The following OPA1 variants were observed in gnomAD, a reference collection of about 807,000 sequenced individuals.
OPA1 encodes the protein dynamin-like GTPase OPA1, mitochondrial.
In OPA1, 59 loss-of-function variants were observed where a neutral mutation model predicts 152.9. The observed-to-expected ratio is 0.39, with a 90% CI of 0.31 to 0.48. The LOEUF is 0.48. OPA1 is among the 20% of genes least tolerant of loss of function. The probability of loss-of-function intolerance (pLI) is 0.96; values close to 1 mark genes in which losing one functional copy is unlikely to be tolerated. For missense variants in OPA1, 1,008 were observed against 1,216.8 expected (o/e 0.83, Z 2.55); for synonymous variants, 400 against 389.9 (o/e 1.03, Z -0.31).
intron 29 of OPA1, among the ~76,000 whole-genome samples, chr3:193,687,496 T>C (rs1721077211): frequency 6.6e-6 from 1 of 152,250 alleles, no homozygotes; most frequent in African/African-American, 2.4e-5. Context: ...AATTCAAATA[T>C]TTAATGGAAA....
At chr3:193,691,491 C>G (rs1348120164) in intron 29 of OPA1, 5 of 152,120 alleles carry the variant, frequency 3.3e-5, no homozygotes, top group African/African-American at 1.2e-4. Context: ...CATTGCACTT[C>G]TCATGTTTGT....
chr3:193,604,241 A>G (rs1726886726), intron 1 of OPA1, among the ~76,000 whole-genome samples: 1 of 152,306 alleles, frequency 6.6e-6, no homozygotes, highest in Non-Finnish European at 1.5e-5. Context: ...TTCATGAACA[A>G]ACAAAGTGAA....
chr3:193,612,879 C>T (rs189663247), intron 1 of OPA1, among the ~76,000 whole-genome samples: 4 of 152,280 alleles, frequency 2.6e-5, no homozygotes, highest in Admixed American at 1.3e-4. Context: ...TGAGTAAACT[C>T]GGAGAGCTCA....
rs947985136 is a variant in OPA1, at chr3:193,643,549, C to T, written c.1399C>T (p.Pro467Ser). The T allele has an allele frequency of 1.9e-6, 3 of 1,613,824 alleles. No homozygotes were observed. Among genetic ancestry groups the T allele is most frequent in the South Asian group, 2.2e-5 (2 of 91,068 alleles). The change falls in exon 15 of 31, where the codon CCT becomes TCT. Residue 467 changes from proline (P) to serine (S), a missense_variant. Transcript: ENST00000361510. ...TAAGACTGTGACATCAGGCATGGCT[C>T]CTGACACAAAGGAAACTATTTTCAG... ...VINTVTSGMA[P>S]DTKETIFSIS...
intron 11 of OPA1, among the ~76,000 whole-genome samples, chr3:193,641,018 A>G (rs1008963204): frequency 1.3e-5 from 2 of 152,144 alleles, no homozygotes; most frequent in African/African-American, 4.8e-5. Context: ...TTACATATCC[A>G]TTTTACTACC....
At chr3:193,662,790 C>G (rs200324109) in intron 25 of OPA1, 32 bp from the exon 26 acceptor site, 1 of 1,599,180 alleles carries the variant, frequency 6.3e-7, no homozygotes, top group Non-Finnish European at 8.6e-7. Context: ...TATGAACCAT[C>G]TAAACACAGT....
chr3:193,668,250 A>C (rs972343079), intron 29 of OPA1: 4 of 1,130,028 alleles, frequency 3.5e-6, no homozygotes, highest in Non-Finnish European at 5.1e-6. Flanking sequence ...ATATATTTTC[A>C]TATTTTGGTC....
intron 26 of OPA1, among the ~76,000 whole-genome samples, chr3:193,664,511 C>G (rs886563834): frequency 6.6e-6 from 1 of 151,958 alleles, no homozygotes; most frequent in Non-Finnish European, 1.5e-5. Flanking sequence ...ATCTTAAGTT[C>G]TAACTCTGTT....
At chr3:193,621,893 A>G (rs1730152750) in intron 6 of OPA1, among the ~76,000 whole-genome samples, 2 of 152,182 alleles carry the variant, frequency 1.3e-5, no homozygotes, top group Admixed American at 6.5e-5. Flanking sequence ...AGATTGCTGT[A>G]TATCAGTCAT....
chr3:193,655,674 G>A (rs1713631683), intron 22 of OPA1, among the ~76,000 whole-genome samples: 1 of 152,120 alleles, frequency 6.6e-6, no homozygotes, highest in East Asian at 1.9e-4. Flanking sequence ...GATTAAGTAA[G>A]TAATTATATG....
chr3:193,643,364 C>T lies in OPA1; in HGVS notation c.1306-9C>T, dbSNP rs780145068. On this transcript the variant is annotated splice_polypyrimidine_tract_variant and intron_variant, in intron 13 of 30. Transcript: ENST00000361510. ...TTAGCATTGTTTTATTTTTATTTTTCCTGAGTAGACCATATCCTTAAATGT... is the reference window on the plus strand; with the variant it reads ...TTAGCATTGTTTTATTTTTATTTTTTCTGAGTAGACCATATCCTTAAATGT... 6.3e-6 allele frequency: 10 copies of T among 1,599,044 alleles called. No homozygotes were observed. The East Asian group carries it at 1.6e-4, about 25-fold the overall frequency.
chr3:193,681,396 A>G (rs1353182850), intron 29 of OPA1, among the ~76,000 whole-genome samples: 2 of 152,214 alleles, frequency 1.3e-5, no homozygotes, highest in Non-Finnish European at 2.9e-5. Context: ...GAGGCAGCTT[A>G]CATATATCCT....
At chr3:193,618,350 C>T (rs1003913457) in intron 5 of OPA1, among the ~76,000 whole-genome samples, 1 of 151,926 alleles carries the variant, frequency 6.6e-6, no homozygotes, top group South Asian at 2.1e-4. Flanking sequence ...TGGTGGCACA[C>T]GCCTGTAGTC....
At chr3:193,649,578 A>G (rs1319342431) in intron 21 of OPA1, among the ~76,000 whole-genome samples, 1 of 152,200 alleles carries the variant, frequency 6.6e-6, no homozygotes, top group Non-Finnish European at 1.5e-5. Flanking sequence ...TTTTTGGAGC[A>G]GAGCTATCCT....
intron 26 of OPA1, among the ~76,000 whole-genome samples, chr3:193,664,075 A>C (rs755826852): frequency 1.3e-5 from 2 of 152,066 alleles, no homozygotes; most frequent in Non-Finnish European, 2.9e-5. Flanking sequence ...GTCTTAGGCA[A>C]TGAATTGACT....
chr3:193,663,353 T>C (rs1159473247), intron 26 of OPA1, among the ~76,000 whole-genome samples: 1 of 152,116 alleles, frequency 6.6e-6, no homozygotes, highest in African/African-American at 2.4e-5. Context: ...CAAATGTAAC[T>C]CAATTAGATG....
At chr3:193,692,206 C>A in intron 30 of OPA1, 74 bp downstream of exon 30, 1 of 814,564 alleles carries the variant, frequency 1.2e-6, no homozygotes, top group South Asian at 1.5e-5. Context: ...GTTTATCATT[C>A]TGCTTCATTT....
At chr3:193,643,866 T>G (rs1490557429) in intron 15 of OPA1, 109 bp from the exon 16 acceptor site, 1 of 1,209,282 alleles carries the variant, frequency 8.3e-7, no homozygotes, top group Non-Finnish European at 1.2e-6. Flanking sequence ...GTAAATGTAT[T>G]AAAATCTTTC....
chr3:193,616,008 G>C (rs1342970738), intron 3 of OPA1, among the ~76,000 whole-genome samples: 1 of 152,076 alleles, frequency 6.6e-6, no homozygotes, highest in Non-Finnish European at 1.5e-5. Flanking sequence ...ACTATATGTG[G>C]TTAGTATCTT....
Sources: gnomAD v4.1 joint callset for allele counts (sites outside exome capture counted in the v4.1 genomes callset) on GRCh38, gnomAD v4.1.1 for gene constraint, MANE v1.5 for transcripts, NCBI Gene and HGNC (gene_info 2026-07-23, HGNC 2026-07-21) for gene names.